RELN: variants seen among roughly 807,000 people sequenced by gnomAD.
The protein encoded by RELN is reelin.
RELN carries 108 observed loss-of-function variants against 427.6 expected under a neutral mutation model. That is an observed-to-expected ratio of 0.25 (90% confidence interval 0.22 to 0.30). The LOEUF (loss-of-function observed/expected upper bound fraction) is 0.30. Among genes scored for constraint, RELN ranks in the 10% least tolerant of loss-of-function variants. The probability of loss-of-function intolerance (pLI) is 1.00; values close to 1 mark genes in which losing one functional copy is unlikely to be tolerated. For synonymous variants in RELN, 1,524 were observed against 1,513.4 expected (o/e 1.01, Z -0.16); for missense variants, 3,715 against 4,302.8 (o/e 0.86, Z 3.82).
At chr7:103,888,467 A>T (rs1402039810) in intron 2 of RELN, among the ~76,000 whole-genome samples, 1 of 152,188 alleles carries the variant, frequency 6.6e-6, no homozygotes, top group Non-Finnish European at 1.5e-5. Context: ...AAACTACTTT[A>T]GTGTTTATAT....
In RELN at chr7:103,519,516, C is replaced by T. The variant is rs560581732; in HGVS notation, c.7669G>A (p.Gly2557Ser). The T allele has an allele frequency of 1.2e-6, 2 of 1,604,672 alleles. No individual in the cohort carries two copies. Among genetic ancestry groups the T allele is most frequent in the Non-Finnish European group, 1.7e-6 (2 of 1,171,966 alleles). ...ASGMALHFSG[G>S]CSRLLVTVDL... ...ACAGTGACTAATAATCGACTACAAC[C>T]CTAAGAAAAAGAAGTAAAATAAAAA... is the stretch of plus-strand genomic sequence containing the variant. The change falls in exon 49 of 65, where the codon GGT becomes AGT. Residue 2557 changes from glycine (G) to serine (S), a missense_variant and splice_region_variant. Physicochemically the swap from Gly to Ser is moderately conservative, Grantham distance 56. Coordinates refer to ENST00000428762, the MANE Select transcript of RELN (RefSeq NM_005045.4).
intron 2 of RELN, among the ~76,000 whole-genome samples, chr7:103,908,588 T>C (rs1344884357): frequency 6.6e-6 from 1 of 152,226 alleles, no homozygotes; most frequent in African/African-American, 2.4e-5. Context: ...TCTCATGCCC[T>C]TGAATATCTG....
chr7:103,761,491 T>C (rs562601846), intron 4 of RELN, among the ~76,000 whole-genome samples: 1 of 152,334 alleles, frequency 6.6e-6, no homozygotes, highest in South Asian at 2.1e-4. Flanking sequence ...TCTCGCTCTC[T>C]TGGCCATGCT....
intron 8 of RELN, among the ~76,000 whole-genome samples, chr7:103,719,510 C>T (rs989610585): frequency 2.6e-5 from 4 of 152,132 alleles, no homozygotes; most frequent in East Asian, 1.9e-4. Flanking sequence ...GCTGTAAAAA[C>T]GTTCTGTTTT....
chr7:103,692,370 A>G (rs1280710305), intron 10 of RELN, among the ~76,000 whole-genome samples: 1 of 152,116 alleles, frequency 6.6e-6, no homozygotes, highest in African/African-American at 2.4e-5. Context: ...TTCCACAGAA[A>G]GCCAGTTTTG....
At chr7:103,729,162 C>A (rs1790289303) in intron 6 of RELN, among the ~76,000 whole-genome samples, 1 of 152,176 alleles carries the variant, frequency 6.6e-6, no homozygotes, top group Non-Finnish European at 1.5e-5. Context: ...GAACCTCAAA[C>A]CACATGAGAG....
In RELN at chr7:103,553,478, T is replaced by C; in HGVS notation, c.6055A>G (p.Thr2019Ala). ...TTRDLNVNEN[T>A]IIQFEINVGC... ...TCAAGTACCTCAAATTGTATGATGG[T>C]GTTCTCATTCACATTTAGGTCACGG... is the stretch of plus-strand genomic sequence containing the variant. Residue 2019 changes from threonine (T) to alanine (A), a missense_variant, in exon 40 of 65, where the codon ACC (threonine) becomes GCC (alanine). Transcript: ENST00000428762. The C allele has an allele frequency of 6.2e-7, 1 of 1,612,366 alleles. No homozygotes were observed. Among genetic ancestry groups the C allele is most frequent in the South Asian group, 1.1e-5 (1 of 91,042 alleles).
At position 103,920,469 on chromosome 7, in the gene RELN, T is replaced by G. The variant is rs138263886; in HGVS notation, c.227-3284A>C. On this transcript the variant is annotated intron_variant, in intron 1 of 64. Coordinates refer to ENST00000428762, the MANE Select transcript of RELN (RefSeq NM_005045.4). Reference sequence around the variant, plus strand: ...GTTAAAATGGGTAACAAATAATATTTTCCATGTCAATTCACTTTCAAATTA... The same window carrying G: ...GTTAAAATGGGTAACAAATAATATTGTCCATGTCAATTCACTTTCAAATTA... Among the ~76,000 whole-genome samples, 853 of 152,266 alleles carry G rather than the reference T, an allele frequency of 5.6e-3. 8 individuals carry two copies. The highest frequency in any genetic ancestry group is 0.019 in the African/African-American group (804 of 41,554).
At chr7:103,985,589 T>G (rs1384266700) in intron 1 of RELN, among the ~76,000 whole-genome samples, 1 of 152,208 alleles carries the variant, frequency 6.6e-6, no homozygotes, top group Admixed American at 6.5e-5. Flanking sequence ...CCCATATCTA[T>G]TATCTGGCTG....
rs760301850 is a variant in RELN, at chr7:103,925,946, A to G, written c.227-8761T>C. Among the ~76,000 whole-genome samples the G allele has an allele frequency of 1.9e-3, 284 of 152,274 alleles. 1 individual carries two copies. The highest frequency in any genetic ancestry group is 2.5e-3 in the Non-Finnish European group (170 of 68,024). On this transcript the variant is annotated intron_variant, in intron 1 of 64. Coordinates refer to ENST00000428762, the MANE Select transcript of RELN (RefSeq NM_005045.4). Reference sequence around the variant, plus strand: ...GTGTAAAGCTTTTATACAATAAAAAAGGCTTCTAACTTTTCTGTTTCTATT... The same window carrying G: ...GTGTAAAGCTTTTATACAATAAAAAGGGCTTCTAACTTTTCTGTTTCTATT...
In RELN at chr7:103,877,704, T is replaced by C. The variant is rs78097914; in HGVS notation, c.337+39371A>G. Reference sequence around the variant, plus strand: ...CTTCAAAGTCTGACTCTAGTTTTTTTCTCAGGACTCCATCTTCCATCTCTT... The same window carrying C: ...CTTCAAAGTCTGACTCTAGTTTTTTCCTCAGGACTCCATCTTCCATCTCTT... On this transcript the variant is annotated intron_variant, in intron 2 of 64. Coordinates refer to ENST00000428762, the MANE Select transcript of RELN (RefSeq NM_005045.4). 4.0e-3 allele frequency among the ~76,000 whole-genome samples: 602 copies of C among 152,184 alleles called. 23 individuals carry two copies. In the East Asian group the frequency reaches 0.072, roughly 18 times the overall value.
chr7:103,921,628 C>T (rs2116684168), intron 1 of RELN, among the ~76,000 whole-genome samples: 1 of 152,196 alleles, frequency 6.6e-6, no homozygotes, highest in South Asian at 2.1e-4. Context: ...TCACATAATT[C>T]CCTTGTTCAA....
chr7:103,742,536 G>T (rs1790693110), intron 6 of RELN, among the ~76,000 whole-genome samples: 1 of 152,130 alleles, frequency 6.6e-6, no homozygotes, highest in Admixed American at 6.6e-5. Context: ...CAGACGAATG[G>T]ATAACTAGAA....
chr7:103,694,212 A>G (rs1833930888), intron 10 of RELN, among the ~76,000 whole-genome samples: 1 of 152,142 alleles, frequency 6.6e-6, no homozygotes, highest in South Asian at 2.1e-4. Context: ...AGATAATTTA[A>G]CAGGTGGATG....
intron 8 of RELN, among the ~76,000 whole-genome samples, chr7:103,704,566 G>C (rs765510182): frequency 8.6e-5 from 13 of 151,550 alleles, no homozygotes; most frequent in Admixed American, 5.3e-4. Flanking sequence ...ACCTCCCCTT[G>C]CTTCTGAAGA....
At chr7:103,833,168 T>C (rs960498696) in intron 3 of RELN, among the ~76,000 whole-genome samples, 7 of 152,126 alleles carry the variant, frequency 4.6e-5, no homozygotes, top group Admixed American at 2.0e-4. Context: ...TTAACTATAG[T>C]CACCATGCTG....
At chr7:103,663,484 C>T (rs1286533210) in intron 11 of RELN, among the ~76,000 whole-genome samples, 1 of 152,188 alleles carries the variant, frequency 6.6e-6, no homozygotes, top group Non-Finnish European at 1.5e-5. Flanking sequence ...TCCTCTGAGA[C>T]AATTCATGCC....
intron 31 of RELN, among the ~76,000 whole-genome samples, chr7:103,567,787 T>C (rs989272364): frequency 6.7e-6 from 1 of 149,026 alleles, no homozygotes; most frequent in Non-Finnish European, 1.5e-5. Flanking sequence ...ATTATATATA[T>C]ATTTTATATA....
chr7:103,762,146 C>G (rs1327459916), intron 4 of RELN, among the ~76,000 whole-genome samples: 1 of 152,156 alleles, frequency 6.6e-6, no homozygotes, highest in Non-Finnish European at 1.5e-5. Context: ...GGGTCACTTT[C>G]AGGGCTGGGT....
Sources: gnomAD v4.1 joint callset for allele counts (sites outside exome capture counted in the v4.1 genomes callset) on GRCh38, gnomAD v4.1.1 for gene constraint, MANE v1.5 for transcripts, NCBI Gene and HGNC (gene_info 2026-07-23, HGNC 2026-07-21) for gene names.